The following TOM1L2 variants were observed in gnomAD, a reference collection of about 807,000 sequenced individuals.
The protein encoded by TOM1L2 is TOM1-like protein 2.
In TOM1L2, 31 loss-of-function variants were observed where a neutral mutation model predicts 67.9. The observed-to-expected ratio is 0.46, with a 90% CI of 0.34 to 0.62. The LOEUF is 0.62. Among genes scored for constraint, TOM1L2 ranks in the 20% least tolerant of loss-of-function variants. TOM1L2 has a pLI of 0.01. For missense variants in TOM1L2, 606 were observed against 663.5 expected, an observed-to-expected ratio of 0.91 and a Z score of 0.95; for synonymous variants, 256 against 254.0, an observed-to-expected ratio of 1.01 and a Z score of -0.07.
At chr17:17,879,776 G>A in intron 6 of TOM1L2, 33 bp from the exon 7 acceptor site, 1 of 1,553,594 alleles carries the variant, frequency 6.4e-7, no homozygotes, top group Middle Eastern at 1.7e-4. Flanking sequence ...AAAGCAGGAA[G>A]GAAAGGTCAG....
chr17:17,948,498 A>G (rs2041049020), intron 1 of TOM1L2, among the ~76,000 whole-genome samples: 1 of 152,094 alleles, frequency 6.6e-6, no homozygotes. Context: ...AATACAAAAC[A>G]AAAATCAGCC....
chr17:17,854,075 A>G (rs2036137069), intron 12 of TOM1L2, among the ~76,000 whole-genome samples: 1 of 152,214 alleles, frequency 6.6e-6, no homozygotes, highest in African/African-American at 2.4e-5. Flanking sequence ...GTTAACAGTT[A>G]AGCTTATATA....
At chr17:17,920,413 T>C (rs998804550) in intron 1 of TOM1L2, among the ~76,000 whole-genome samples, 2 of 142,484 alleles carry the variant, frequency 1.4e-5, no homozygotes, top group Non-Finnish European at 3.0e-5. Flanking sequence ...CAATCTCAGC[T>C]CACCACAACC....
intron 12 of TOM1L2, chr17:17,857,889 A>G: frequency 6.6e-7 from 1 of 1,518,494 alleles, no homozygotes; most frequent in Non-Finnish European, 8.8e-7. Flanking sequence ...GACCCATGAG[A>G]AAGAAGTCAA....
chr17:17,954,365 T>G (rs1411749945), intron 1 of TOM1L2, among the ~76,000 whole-genome samples: 1 of 148,186 alleles, frequency 6.7e-6, no homozygotes, highest in Non-Finnish European at 1.5e-5. Context: ...CAGGCTAGAG[T>G]GCAATGGTGC....
intron 1 of TOM1L2, among the ~76,000 whole-genome samples, chr17:17,960,763 G>C (rs2041645689): frequency 6.6e-6 from 1 of 152,198 alleles, no homozygotes. Flanking sequence ...TTACAGAATT[G>C]TTGTGGGAAT....
chr17:17,930,007 T>A lies in TOM1L2; in HGVS notation c.53-22476A>T, dbSNP rs77983901. On this transcript the variant is annotated intron_variant, in intron 1 of 14. Coordinates refer to ENST00000379504, the MANE Select transcript of TOM1L2 (RefSeq NM_001082968.2). ...TCTTTATGAAGACCACTAGCAGAGA[T>A]ACAGAGCCCATGCCTGGGCACACAC... Among the ~76,000 whole-genome samples the A allele has an allele frequency of 2.1e-3, 327 of 152,248 alleles. 11 individuals are homozygous for A. In the East Asian group the frequency reaches 0.062, roughly 29 times the overall value.
chr17:17,934,324 G>C (rs1321946382), intron 1 of TOM1L2, among the ~76,000 whole-genome samples: 1 of 152,132 alleles, frequency 6.6e-6, no homozygotes. Flanking sequence ...GTGTGCTCCT[G>C]TAGTCTCAGC....
chr17:17,848,820 T>A lies in TOM1L2; in HGVS notation c.1375+3A>T, dbSNP rs1568038037. The A allele has an allele frequency of 1.9e-6, 3 of 1,614,098 alleles. No individual in the cohort carries two copies. The highest frequency in any genetic ancestry group is 2.5e-6 in the Non-Finnish European group (3 of 1,180,008). On this transcript the variant is annotated splice_donor_region_variant and intron_variant, in intron 14 of 14. Coordinates refer to ENST00000379504, the MANE Select transcript of TOM1L2 (RefSeq NM_001082968.2). ...GGCTGTAAGGCCACTGGCCAGGCCA[T>A]ACCTTCACTTGTGACACCCTCCTCC...
chr17:17,964,711 G>A (rs564183477), intron 1 of TOM1L2, among the ~76,000 whole-genome samples: 1 of 152,234 alleles, frequency 6.6e-6, no homozygotes, highest in East Asian at 1.9e-4. Context: ...CTACGATCCT[G>A]CCACTGCATT....
intron 1 of TOM1L2, among the ~76,000 whole-genome samples, chr17:17,939,833 T>G (rs1438706676): frequency 6.6e-6 from 1 of 152,050 alleles, no homozygotes; most frequent in Non-Finnish European, 1.5e-5. Context: ...ATTTGTTGAG[T>G]CCCCATTATG....
chr17:17,950,590 A>T (rs1204395153), intron 1 of TOM1L2, among the ~76,000 whole-genome samples: 1 of 152,086 alleles, frequency 6.6e-6, no homozygotes, highest in Non-Finnish European at 1.5e-5. Context: ...TTCTAATGAG[A>T]GTGAGTCTTG....
At chr17:17,847,805 G>A (rs746393977) in intron 14 of TOM1L2, 22 bp from the exon 15 acceptor site, 1 of 1,613,730 alleles carries the variant, frequency 6.2e-7, no homozygotes, top group South Asian at 1.1e-5. Context: ...ACCAAGGCAA[G>A]GGTCAGGGTT....
At chr17:17,893,433 G>A (rs565243673) in intron 4 of TOM1L2, among the ~76,000 whole-genome samples, 1 of 152,348 alleles carries the variant, frequency 6.6e-6, no homozygotes, top group East Asian at 1.9e-4. Flanking sequence ...GCAGAGGGAT[G>A]GCACCCAGAA....
At chr17:17,883,733 C>CA (rs1222510405) in intron 5 of TOM1L2, among the ~76,000 whole-genome samples, 2 of 151,144 alleles carry the variant, frequency 1.3e-5, no homozygotes, top group Admixed American at 6.6e-5. Context: ...GACTCCGACT[C>CA]AAAAAAAAGA....
intron 12 of TOM1L2, among the ~76,000 whole-genome samples, chr17:17,854,443 C>A (rs1002621833): frequency 1.3e-5 from 2 of 152,116 alleles, no homozygotes; most frequent in Non-Finnish European, 2.9e-5. Flanking sequence ...GGGGCTGGCC[C>A]AGCAGATTCC....
intron 1 of TOM1L2, among the ~76,000 whole-genome samples, chr17:17,912,684 C>T (rs1288645427): frequency 1.3e-5 from 2 of 150,302 alleles, no homozygotes; most frequent in African/African-American, 4.9e-5. Flanking sequence ...CGGACGGAGA[C>T]GCTCCTCACT....
chr17:17,962,593 C>A (rs1205545373), intron 1 of TOM1L2, among the ~76,000 whole-genome samples: 8 of 152,046 alleles, frequency 5.3e-5, no homozygotes, highest in Admixed American at 5.2e-4. Flanking sequence ...GGATTAAAGG[C>A]ATGAGCCACC....
intron 1 of TOM1L2, among the ~76,000 whole-genome samples, chr17:17,917,652 G>A (rs545692930): frequency 1.4e-5 from 2 of 141,512 alleles, no homozygotes; most frequent in South Asian, 4.9e-4. Context: ...TTTGGGTAGT[G>A]TTGTCATCTT....
Sources: gnomAD v4.1 joint callset for allele counts (sites outside exome capture counted in the v4.1 genomes callset) on GRCh38, gnomAD v4.1.1 for gene constraint, MANE v1.5 for transcripts, NCBI Gene and HGNC (gene_info 2026-07-23, HGNC 2026-07-21) for gene names.